Variants in DDX46 observed in about 807,000 individuals in gnomAD.
DDX46 encodes probable ATP-dependent RNA helicase DDX46.
In DDX46, 30 loss-of-function variants were observed where a neutral mutation model predicts 134.9. The ratio of observed to expected loss-of-function variants is 0.22; its 90% CI spans 0.17 to 0.30. DDX46 has a LOEUF of 0.30. Among genes scored for constraint, DDX46 ranks in the 10% least tolerant of loss-of-function variants. The pLI is 1.00. For synonymous variants in DDX46, 415 were observed against 404.1 expected (o/e 1.03, Z -0.32); for missense variants, 622 against 1,248.7 (o/e 0.50, Z 7.56).
In DDX46 at chr5:134,818,169, G is replaced by T. The variant is rs139816066; in HGVS notation, c.2832+455G>T. Among the ~76,000 whole-genome samples the T allele has an allele frequency of 1.8e-3, 278 of 151,790 alleles. 13 individuals are homozygous for T. The East Asian group carries it at 0.046, about 25-fold the overall frequency. On this transcript the variant is annotated intron_variant, in intron 20 of 22. Transcript: ENST00000452510. ...AGACAGGGCTTCACCATGTTGTTCA[G>T]TCTGGTCTCGAACTCCCGACCTCAG... is the stretch of plus-strand genomic sequence containing the variant.
At chr5:134,820,847 ATCTTTTCTTT>A (rs1203972301) in intron 21 of DDX46, among the ~76,000 whole-genome samples, 8 of 149,128 alleles carry the variant, frequency 5.4e-5, no homozygotes, top group Admixed American at 4.0e-4. Flanking sequence ...TGTTAGAGTA[ATCTTTTCTTT>A]TCTTTTCTTT....
chr5:134,816,295 A>G (rs756817633), intron 18 of DDX46, 135 bp from the exon 19 acceptor site: 219 of 774,842 alleles, frequency 2.8e-4, no homozygotes, highest in Non-Finnish European at 4.1e-4. Context: ...GGATCTGTGT[A>G]GTAGGATTTG....
chr5:134,786,062 T>C (rs1352736373), intron 11 of DDX46, among the ~76,000 whole-genome samples: 2 of 152,118 alleles, frequency 1.3e-5, no homozygotes, highest in Non-Finnish European at 2.9e-5. Flanking sequence ...TTGGCCAGAT[T>C]GGTCTTGAAC....
At position 134,794,296 on chromosome 5, in the gene DDX46, A is replaced by G. The variant is rs1379645532; in HGVS notation, c.1627-554A>G. ...AACTGCTACTGTGCTACCAGCTGAA[A>G]ATGGCAGAAAATAGCCACAATTTAT... On this transcript the variant is annotated intron_variant, in intron 13 of 22. Transcript: ENST00000452510. Among the ~76,000 whole-genome samples, 3 of 152,284 alleles carry G rather than the reference A, an allele frequency of 2.0e-5. No individual in the cohort carries two copies. In the East Asian group the frequency reaches 5.8e-4, roughly 29 times the overall value.
chr5:134,760,872 G>C (rs1318346486), intron 1 of DDX46, among the ~76,000 whole-genome samples: 1 of 151,832 alleles, frequency 6.6e-6, no homozygotes, highest in African/African-American at 2.4e-5. Flanking sequence ...TGGAACTACA[G>C]GCGCCTGCCA....
At chr5:134,820,836 G>A (rs913074445) in intron 21 of DDX46, among the ~76,000 whole-genome samples, 2 of 146,208 alleles carry the variant, frequency 1.4e-5, no homozygotes, top group African/African-American at 5.1e-5. Context: ...TGCCTTTTTT[G>A]TGTTAGAGTA....
chr5:134,794,053 C>G (rs1754581909), intron 13 of DDX46, among the ~76,000 whole-genome samples: 1 of 152,088 alleles, frequency 6.6e-6, no homozygotes, highest in South Asian at 2.1e-4. Context: ...CTTGAGAGGT[C>G]CGGGCTTGTA....
chr5:134,777,820 G>T lies in DDX46; in HGVS notation c.765+95G>T, dbSNP rs114341931. 2,076 of 1,418,272 alleles carry T rather than the reference G, an allele frequency of 1.5e-3. 26 individuals are homozygous for T. The African/African-American group carries it at 0.027, about 18-fold the overall frequency. 87.9% of individuals were successfully genotyped at this position (1,418,272 alleles called of 1,614,324 possible). ...CTACTGATTGGCATGACTTTGTAAA[G>T]CTAACAGTTTTCTTTCTCCTCATCT... On this transcript the variant is annotated intron_variant, in intron 6 of 22. Coordinates refer to ENST00000452510, the MANE Select transcript of DDX46 (RefSeq NM_001300860.2).
At chr5:134,810,015 A>G (rs1230759474) in intron 16 of DDX46, among the ~76,000 whole-genome samples, 1 of 152,134 alleles carries the variant, frequency 6.6e-6, no homozygotes. Context: ...CTCTTGTCTC[A>G]GAAACAAACA....
intron 17 of DDX46, 131 bp downstream of exon 17, chr5:134,811,489 G>A: frequency 7.8e-7 from 1 of 1,289,996 alleles, no homozygotes. Context: ...TCTCTAGAGG[G>A]AAAAATGAGT....
intron 15 of DDX46, among the ~76,000 whole-genome samples, chr5:134,803,579 A>G (rs1028344280): frequency 6.6e-6 from 1 of 152,172 alleles, no homozygotes; most frequent in Admixed American, 6.5e-5. Context: ...ATAAATAAGT[A>G]AGTAAATAGA....
chr5:134,784,121 A>G (rs1411417417), intron 9 of DDX46, among the ~76,000 whole-genome samples: 1 of 152,118 alleles, frequency 6.6e-6, no homozygotes, highest in Non-Finnish European at 1.5e-5. Flanking sequence ...CTAACATTTC[A>G]TGTAAATGGG....
At chr5:134,767,554 T>C (rs1753613753) in intron 3 of DDX46, among the ~76,000 whole-genome samples, 1 of 152,030 alleles carries the variant, frequency 6.6e-6, no homozygotes, top group African/African-American at 2.4e-5. Context: ...TTTGCCAGGC[T>C]GGTCTCGAAC....
chr5:134,795,769 AG>A (rs1438648956), intron 14 of DDX46, among the ~76,000 whole-genome samples: 1 of 152,240 alleles, frequency 6.6e-6, no homozygotes, highest in African/African-American at 2.4e-5. Context: ...ATTAAGAGCC[AG>A]AGAGAACAGA....
intron 15 of DDX46, among the ~76,000 whole-genome samples, chr5:134,796,963 C>T (rs969081976): frequency 2.0e-5 from 3 of 150,046 alleles, no homozygotes; most frequent in African/African-American, 7.4e-5. Context: ...ACCAGCCTGA[C>T]CAACATGGAG....
chr5:134,762,456 C>T (rs747610597), intron 1 of DDX46, among the ~76,000 whole-genome samples: 8 of 151,832 alleles, frequency 5.3e-5, no homozygotes, highest in Non-Finnish European at 1.0e-4. Flanking sequence ...AGGCTGCATG[C>T]GGTGGCTCAT....
At chr5:134,776,051 A>C (rs185570920) in intron 5 of DDX46, among the ~76,000 whole-genome samples, 1 of 152,280 alleles carries the variant, frequency 6.6e-6, no homozygotes, top group African/African-American at 2.4e-5. Context: ...TTATGTATTG[A>C]ATACTGTATT....
At chr5:134,771,720 GT>G (rs1471335471) in intron 4 of DDX46, among the ~76,000 whole-genome samples, 1 of 151,442 alleles carries the variant, frequency 6.6e-6, no homozygotes. Flanking sequence ...AAACAAACTT[GT>G]TTCTATGCCA....
intron 22 of DDX46, among the ~76,000 whole-genome samples, chr5:134,827,698 A>G (rs1340860828): frequency 3.3e-5 from 5 of 151,528 alleles, no homozygotes; most frequent in Non-Finnish European, 7.3e-5. Context: ...AGATCGGTCC[A>G]TGTTATTGCA....
Sources: allele counts gnomAD v4.1 joint callset (sites outside exome capture counted in the v4.1 genomes callset), GRCh38; gene constraint gnomAD v4.1.1; transcripts MANE v1.5; gene names NCBI Gene and HGNC (gene_info 2026-07-23, HGNC 2026-07-21).